Variants in CENPE observed in about 807,000 individuals in gnomAD.
The protein encoded by CENPE is centromere protein E, also known as centromere-associated protein E.
CENPE carries 145 observed loss-of-function variants against 336.1 expected under a neutral mutation model. That is an observed-to-expected ratio of 0.43 (90% CI 0.38 to 0.50). The LOEUF is 0.50. Among genes scored for constraint, CENPE ranks in the 20% least tolerant of loss-of-function variants. CENPE has a pLI of 0.00. For synonymous variants in CENPE, 1,013 were observed against 984.8 expected (o/e 1.03, Z -0.54); for missense variants, 2,719 against 3,023.3 (o/e 0.90, Z 2.36).
At position 103,163,207 on chromosome 4, in the gene CENPE, A is replaced by G. The variant is rs763935518; in HGVS notation, c.1772T>C (p.Ile591Thr). The G allele has an allele frequency of 2.5e-6, 4 of 1,608,690 alleles. No individual in the cohort carries two copies. The highest frequency in any genetic ancestry group is 1.3e-5 in the African/African-American group (1 of 74,734). The part of the protein sequence containing the change: ...VELLREKEDQ[I>T]KKLQEYIDSQ... The stretch of plus-strand genomic sequence containing the variant: ...GTCTATGTATTCCTGTAGCTTCTTA[A>G]TCTGGTCTTCCTTTTCTCTAAGCAG... Residue 591 changes from isoleucine to threonine, a missense_variant, in exon 18 of 49, where the codon ATT (isoleucine) becomes ACT (threonine). Physicochemically the swap from Ile to Thr is moderately conservative, Grantham distance 89 (BLOSUM62 -1). Transcript: ENST00000265148.
Position 103,147,544 on chromosome 4 carries a change from T to C in CENPE, c.3946A>G (p.Thr1316Ala), listed in dbSNP as rs1044012369. ...NELELLTEQS[T>A]TKDSTTLARI... ...GCCAGTGTTGTTGAGTCCTTGGTTG[T>C]GGACTGTTCTGTTAATAACTCCAGT... Residue 1316 changes from threonine (T) to alanine (A), a missense_variant, in exon 29 of 49, where the codon ACA (threonine) becomes GCA (alanine). Physicochemically the swap from Thr to Ala is moderately conservative, Grantham distance 58. Around this residue, in one of 5 missense-constraint regions of CENPE, gnomAD observed 2,437 missense variants for 2,513.3 expected, o/e 0.97. Transcript: ENST00000265148. 3 of 1,613,996 alleles carry C rather than the reference T, an allele frequency of 1.9e-6. No individual in the cohort carries two copies. Among genetic ancestry groups the C allele is most frequent in the African/African-American group, 2.7e-5 (2 of 74,940 alleles).
In CENPE at chr4:103,174,947, AT is replaced by A. The variant is rs548045119; in HGVS notation, c.1480-45del. 520 of 1,199,846 alleles carry A rather than the reference AT, an allele frequency of 4.3e-4. 2 individuals carry two copies. The African/African-American group carries it at 7.9e-3, about 18-fold the overall frequency. 74.3% of individuals were successfully genotyped at this position (1,199,846 alleles called of 1,614,324 possible). A position where few individuals can be genotyped will look rare whatever the true frequency, so the allele number is the denominator to read the frequency against. The stretch of plus-strand genomic sequence containing the variant: ...GATTTTCCAATCAGAAAATTCAAAT[AT>A]TTTTTGTTTCCTTAATAAAATTTGA... On this transcript the variant is annotated intron_variant, in intron 15 of 48. Coordinates refer to ENST00000265148, the MANE Select transcript of CENPE (RefSeq NM_001813.3).
chr4:103,161,163 T>C lies in CENPE; in HGVS notation c.2054A>G (p.Asp685Gly). Residue 685 changes from aspartate to glycine, a missense_variant, in exon 20 of 49, where the codon GAT becomes GGT. This residue lies in a region of CENPE where 2,437 missense variants were observed against 2,513.3 expected (regional missense o/e 0.97). Coordinates refer to ENST00000265148, the MANE Select transcript of CENPE (RefSeq NM_001813.3). ...QLEAKKKMQV[D>G]LEKELQSAFN... ...AGCAGATTGTAATTCTTTCTCCAGATCAACTTGCATTTTCTTTTTTGCCTC... is the reference window on the plus strand; with the variant it reads ...AGCAGATTGTAATTCTTTCTCCAGACCAACTTGCATTTTCTTTTTTGCCTC... 1 of 1,612,580 alleles carries C rather than the reference T, an allele frequency of 6.2e-7. No homozygotes were observed. Among genetic ancestry groups the C allele is most frequent in the Non-Finnish European group, 8.5e-7 (1 of 1,179,236 alleles).
At chr4:103,172,941 T>G (rs1380002469) in intron 16 of CENPE, among the ~76,000 whole-genome samples, 2 of 152,026 alleles carry the variant, frequency 1.3e-5, no homozygotes, top group African/African-American at 4.8e-5. Flanking sequence ...CCCAAAGTGA[T>G]CCACAGATGT....
In CENPE at chr4:103,145,222, G is replaced by C. The variant is rs747771400; in HGVS notation, c.4685C>G (p.Ser1562Ter). 4 of 1,613,674 alleles carry C rather than the reference G, an allele frequency of 2.5e-6. No individual in the cohort carries two copies. In the Admixed American group the frequency reaches 6.7e-5, roughly 27 times the overall value. The change falls in exon 32 of 49, where the codon TCA becomes TGA. Residue 1562 changes from serine to a stop codon, truncating the protein, a stop_gained. Coordinates refer to ENST00000265148, the MANE Select transcript of CENPE (RefSeq NM_001813.3). LOFTEE classifies it high-confidence loss of function. ...QFKEHRKAKDSALQSIESKML... is the reference protein window; with the variant it reads ...QFKEHRKAKD The stretch of plus-strand genomic sequence containing the variant: ...CTTACTTTCTATACTTTGTAGTGCT[G>C]AATCCTTGGCTTTGCGATGCTCCTT...
chr4:103,188,224 T>C (rs1252052783), intron 8 of CENPE, among the ~76,000 whole-genome samples: 3 of 152,192 alleles, frequency 2.0e-5, no homozygotes, highest in African/African-American at 7.2e-5. Context: ...CTGTCAACGT[T>C]AGACAGATCA....
chr4:103,185,921 C>T, intron 8 of CENPE, 60 bp from the exon 9 acceptor site: 1 of 1,134,184 alleles, frequency 8.8e-7, no homozygotes, highest in Non-Finnish European at 1.3e-6. Context: ...AAAATTCAAA[C>T]TACTGAAAGA....
chr4:103,163,346 C>A, intron 17 of CENPE, 90 bp from the exon 18 acceptor site: 1 of 1,306,394 alleles, frequency 7.7e-7, no homozygotes, highest in Non-Finnish European at 1.1e-6. Flanking sequence ...AGTTTAAATT[C>A]ATAGTAAAAT....
chr4:103,117,057 G>A (rs1194805664), intron 44 of CENPE, among the ~76,000 whole-genome samples: 1 of 152,240 alleles, frequency 6.6e-6, no homozygotes, highest in Admixed American at 6.5e-5. Context: ...AAAAGATGTT[G>A]GAGCAGTGAT....
chr4:103,119,615 A>C (rs190066416), intron 44 of CENPE, among the ~76,000 whole-genome samples: 1 of 152,222 alleles, frequency 6.6e-6, no homozygotes, highest in Non-Finnish European at 1.5e-5. Flanking sequence ...GCCAATTTGG[A>C]TCAGACTCGA....
In CENPE at chr4:103,140,268, T is replaced by C; in HGVS notation, c.5901A>G (p.Glu1967=). ...IQKDLDKSKD[E]LQKKIQELQK... ...AAACAACACATACCTTTTTCTGTAA[T>C]TCATCTTTTGATTTATCTAAATCCT... is the stretch of plus-strand genomic sequence containing the variant. Residue 1967 remains glutamate (E), a synonymous_variant, in exon 37 of 49, where the codon GAA becomes GAG. Coordinates refer to ENST00000265148, the MANE Select transcript of CENPE (RefSeq NM_001813.3). 1 of 1,592,176 alleles carries C rather than the reference T, an allele frequency of 6.3e-7. No homozygotes were observed. Among genetic ancestry groups the C allele is most frequent in the African/African-American group, 1.4e-5 (1 of 73,578 alleles).
At chr4:103,190,674 T>G (rs2126046421) in intron 8 of CENPE, among the ~76,000 whole-genome samples, 1 of 152,212 alleles carries the variant, frequency 6.6e-6, no homozygotes, top group East Asian at 1.9e-4. Context: ...ATGTGAGACC[T>G]AAAACCATAA....
chr4:103,162,116 T>C (rs1044225401), intron 18 of CENPE, among the ~76,000 whole-genome samples: 3 of 151,696 alleles, frequency 2.0e-5, no homozygotes, highest in Non-Finnish European at 2.9e-5. Flanking sequence ...GAACAGACAC[T>C]CCAGAATACA....
In CENPE at chr4:103,141,056, C is replaced by CT. The variant is rs1553928706; in HGVS notation, c.5511dup (p.Asp1838ArgfsTer4). 1.9e-6 allele frequency: 3 copies of CT among 1,587,924 alleles called. No individual in the cohort carries two copies. Among genetic ancestry groups the CT allele is most frequent in the East Asian group, 2.2e-5 (1 of 44,676 alleles). Reference sequence around the variant, plus strand: ...ACTTTTTTCTGTGTCTCATTGACATCTTTTTTTAACGTAATAAGTTGATGT... The same window carrying CT: ...ACTTTTTTCTGTGTCTCATTGACATCTTTTTTTTAACGTAATAAGTTGATGT... On this transcript the variant is annotated frameshift_variant, in exon 36 of 49. Transcript: ENST00000265148. LOFTEE classifies it high-confidence loss of function.
At chr4:103,166,029 A>C (rs951859008) in intron 16 of CENPE, among the ~76,000 whole-genome samples, 3 of 151,984 alleles carry the variant, frequency 2.0e-5, no homozygotes, top group African/African-American at 7.2e-5. Flanking sequence ...CTCTGTGTTG[A>C]CTCAATTCAA....
intron 42 of CENPE, 48 bp from the exon 43 acceptor site, chr4:103,123,137 G>T: frequency 7.4e-7 from 1 of 1,351,546 alleles, no homozygotes; most frequent in Non-Finnish European, 1.1e-6. Flanking sequence ...ATTTATAGTA[G>T]TCCCCACTTA....
chr4:103,126,211 A>G (rs1347976247), intron 42 of CENPE, among the ~76,000 whole-genome samples: 1 of 152,156 alleles, frequency 6.6e-6, no homozygotes, highest in Non-Finnish European at 1.5e-5. Context: ...CACAGTTAAT[A>G]TTGGAGAAAT....
chr4:103,133,349 AAGTGC>A (rs1437192356), intron 41 of CENPE, among the ~76,000 whole-genome samples: 1 of 152,112 alleles, frequency 6.6e-6, no homozygotes, highest in African/African-American at 2.4e-5. Flanking sequence ...TGGCTTCATG[AAGTGC>A]TTCTAAATGT....
rs1444027441 is a variant in CENPE at position 103,110,996 on chromosome 4, G to C, written c.7556C>G (p.Thr2519Ser). 6.3e-7 allele frequency: 1 copy of C among 1,596,568 alleles called. No homozygotes were observed. The highest frequency in any genetic ancestry group is 1.4e-5 in the African/African-American group (1 of 73,746). ...AQDTSVISEH[T>S]DPQPSNKPLT... ...GGGTTTATTTGAAGGCTGAGGATCAGTATGTTCTGATATCACTGTGGGAGG... is the reference window on the plus strand; with the variant it reads ...GGGTTTATTTGAAGGCTGAGGATCACTATGTTCTGATATCACTGTGGGAGG... Residue 2519 changes from threonine (T) to serine (S), a missense_variant, in exon 47 of 49, where the codon ACT (threonine) becomes AGT (serine). Thr to Ser is a moderately conservative substitution (Grantham distance 58). This residue lies in a region of CENPE where 2,437 missense variants were observed against 2,513.3 expected (regional missense o/e 0.97). Coordinates refer to ENST00000265148, the MANE Select transcript of CENPE (RefSeq NM_001813.3).
Sources: gnomAD v4.1 joint callset for allele counts (sites outside exome capture counted in the v4.1 genomes callset) on GRCh38, gnomAD v4.1.1 for gene constraint, gnomAD v4.1.1 regional missense constraint, MANE v1.5 for transcripts, NCBI Gene and HGNC (gene_info 2026-07-23, HGNC 2026-07-21) for gene names.